The following PLAAT1 variants were observed in gnomAD, a reference collection of about 807,000 sequenced individuals.
PLAAT1 encodes phospholipase A and acyltransferase 1.
Under a neutral mutation model 16.4 loss-of-function variants are expected in PLAAT1, and 13 were observed. The observed-to-expected ratio is 0.79, with a 90% CI of 0.52 to 1.26. The LOEUF is 1.26. Ranked by LOEUF, PLAAT1 falls within the 50% of genes most tolerant of loss-of-function variation. The probability of loss-of-function intolerance (pLI) is 0.00; values close to 1 mark genes in which losing one functional copy is unlikely to be tolerated. For missense variants in PLAAT1, 218 were observed against 207.8 expected (o/e 1.05, Z -0.30); for synonymous variants, 73 against 78.4 (o/e 0.93, Z 0.36).
intron 3 of PLAAT1, among the ~76,000 whole-genome samples, chr3:193,267,522 T>C (rs1223303186): frequency 6.6e-6 from 1 of 152,204 alleles, no homozygotes; most frequent in Non-Finnish European, 1.5e-5. Flanking sequence ...TTTCTTCATG[T>C]ACTTTTGTGG....
At chr3:193,264,479 T>G (rs1329792969) in intron 3 of PLAAT1, among the ~76,000 whole-genome samples, 2 of 150,634 alleles carry the variant, frequency 1.3e-5, no homozygotes, top group Non-Finnish European at 2.9e-5. Flanking sequence ...TGCCCATTTT[T>G]TTGTTGTTGT....
intron 1 of PLAAT1, among the ~76,000 whole-genome samples, chr3:193,244,903 C>T (rs1715922081): frequency 6.6e-6 from 1 of 152,182 alleles, no homozygotes; most frequent in African/African-American, 2.4e-5. Flanking sequence ...ACAGAGCTCT[C>T]CTGATCCAAC....
chr3:193,247,551 G>A (rs187365648), intron 1 of PLAAT1, among the ~76,000 whole-genome samples: 126 of 152,186 alleles, frequency 8.3e-4, no homozygotes, highest in African/African-American at 2.9e-3. Context: ...AAGTGTCTGC[G>A]TGCCTAATTA....
At chr3:193,241,652 C>T in intron 1 of PLAAT1, 119 bp downstream of exon 1, 2 of 635,880 alleles carry the variant, frequency 3.1e-6, no homozygotes, top group Non-Finnish European at 4.5e-6. Flanking sequence ...ATCCACCCTC[C>T]TCTTTTTCAC....
At chr3:193,271,502 C>T (rs988265579), downstream of PLAAT1, among the ~76,000 whole-genome samples, 1 of 152,140 alleles carries the variant, frequency 6.6e-6, no homozygotes, top group East Asian at 1.9e-4. Context: ...CAAGGAATGT[C>T]ATAATTTTAT....
At chr3:193,272,810 A>G (rs1169629111), downstream of PLAAT1, among the ~76,000 whole-genome samples, 1 of 52,174 alleles carries the variant, frequency 1.9e-5, no homozygotes, top group Non-Finnish European at 3.3e-5. Flanking sequence ...TTTCACCCTT[A>G]GAGGTTAGCT....
At chr3:193,275,097 C>A (rs1325204189), downstream of PLAAT1, 1 of 1,614,156 alleles carries the variant, frequency 6.2e-7, no homozygotes, top group East Asian at 2.2e-5. Context: ...TTTGAGTTTT[C>A]TTTTTGGAAT....
At chr3:193,242,126 T>TG (rs1374881038) in intron 1 of PLAAT1, among the ~76,000 whole-genome samples, 6 of 151,968 alleles carry the variant, frequency 3.9e-5, no homozygotes, top group Non-Finnish European at 8.8e-5. Flanking sequence ...TTTGCGCTTT[T>TG]TTTTTTTTTC....
At chr3:193,253,241 T>C (rs1716258170) in intron 1 of PLAAT1, among the ~76,000 whole-genome samples, 3 of 152,204 alleles carry the variant, frequency 2.0e-5, no homozygotes, top group Non-Finnish European at 4.4e-5. Context: ...GTTACTCTTA[T>C]GAAATCTTAT....
chr3:193,276,065 C>A (rs1437169066), intron 2 of PLAAT1, among the ~76,000 whole-genome samples: 1 of 152,088 alleles, frequency 6.6e-6, no homozygotes, highest in African/African-American at 2.4e-5. Flanking sequence ...TAGTATTTTT[C>A]TCTTCTTTTG....
downstream of PLAAT1, among the ~76,000 whole-genome samples, chr3:193,271,971 T>G (rs1016346474): frequency 5.7e-4 from 87 of 152,176 alleles, 2 homozygotes; most frequent in African/African-American, 1.9e-3. Flanking sequence ...ATTCCCTCCC[T>G]TTCTTATGGC....
At chr3:193,260,530 G>A (rs1476542330) in intron 2 of PLAAT1, among the ~76,000 whole-genome samples, 2 of 152,062 alleles carry the variant, frequency 1.3e-5, no homozygotes, top group African/African-American at 2.4e-5. Flanking sequence ...ATTAAAAAAT[G>A]GGCAAAGACA....
downstream of PLAAT1, among the ~76,000 whole-genome samples, chr3:193,275,788 T>C (rs953022400): frequency 6.6e-5 from 10 of 152,236 alleles, no homozygotes; most frequent in African/African-American, 2.4e-4. Flanking sequence ...CCATTTATAG[T>C]AATGAAATTG....
intron 3 of PLAAT1, among the ~76,000 whole-genome samples, chr3:193,265,908 C>T (rs941864616): frequency 6.6e-6 from 1 of 152,032 alleles, no homozygotes; most frequent in African/African-American, 2.4e-5. Context: ...TTGTTAATGA[C>T]AAAGTTGTTC....
At chr3:193,240,916 A>G (rs1417602383), upstream of PLAAT1, among the ~76,000 whole-genome samples, 1 of 152,154 alleles carries the variant, frequency 6.6e-6, no homozygotes. Context: ...TGGGCTCAAC[A>G]AAACCGATTA....
intron 1 of PLAAT1, among the ~76,000 whole-genome samples, chr3:193,252,067 G>C (rs1716210691): frequency 6.6e-6 from 1 of 152,194 alleles, no homozygotes; most frequent in Admixed American, 6.5e-5. Context: ...TTGGCTCACA[G>C]CTCCATAGGG....
At chr3:193,244,656 G>A (rs892429401) in intron 1 of PLAAT1, among the ~76,000 whole-genome samples, 4 of 152,040 alleles carry the variant, frequency 2.6e-5, no homozygotes, top group Non-Finnish European at 5.9e-5. Context: ...TAGTTATGGA[G>A]GCTGAGAAAT....
intron 1 of PLAAT1, among the ~76,000 whole-genome samples, chr3:193,251,542 TC>T (rs1336200463): frequency 6.6e-6 from 1 of 152,132 alleles, no homozygotes; most frequent in Non-Finnish European, 1.5e-5. Context: ...AGGGAAATCC[TC>T]CAATGCCTTT....
intron 3 of PLAAT1, among the ~76,000 whole-genome samples, chr3:193,270,194 T>G (rs1711608859): frequency 6.6e-6 from 1 of 152,018 alleles, no homozygotes; most frequent in Admixed American, 6.6e-5. Context: ...GAACGTGTGT[T>G]TCAGAAGACT....
Sources: gnomAD v4.1 joint callset for allele counts (sites outside exome capture counted in the v4.1 genomes callset) on GRCh38, gnomAD v4.1.1 for gene constraint, MANE v1.5 for transcripts, NCBI Gene and HGNC (gene_info 2026-07-23, HGNC 2026-07-21) for gene names.